The following PDZK1 variants were observed in gnomAD, a reference collection of about 807,000 sequenced individuals.
PDZK1 encodes Na(+)/H(+) exchange regulatory cofactor NHE-RF3.
A neutral mutation model predicts 38.1 loss-of-function variants in PDZK1; 23 were observed. That is an observed-to-expected ratio of 0.60 (90% CI 0.43 to 0.85). PDZK1 has a LOEUF of 0.85. Ranked by LOEUF, PDZK1 falls within the 40% of genes least tolerant of loss-of-function variation. The pLI is 0.00. For missense variants in PDZK1, 297 were observed against 504.3 expected (o/e 0.59, Z 3.94); for synonymous variants, 98 against 186.2 (o/e 0.53, Z 3.86).
Position 145,686,675 on chromosome 1 carries a change from C to G in PDZK1, c.262G>C (p.Asp88His), listed in dbSNP as rs1212825415. 1.3e-6 allele frequency: 2 copies of G among 1,571,292 alleles called. No homozygotes were observed. Among genetic ancestry groups the G allele is most frequent in the Non-Finnish European group, 1.7e-6 (2 of 1,146,396 alleles). ...SGNSVTLLVLDGDSYEKAVKT... is the reference protein window; with the variant it reads ...SGNSVTLLVLHGDSYEKAVKT... ...ACTGCTTTCTCATAGGAATCCCCAT[C>G]CAGAACTAGTAAAGTCACTGAATTC... The change falls in exon 3 of 9, where the codon GAT becomes CAT. Residue 88 changes from aspartate (D) to histidine (H), a missense_variant. By Grantham distance (81) the Asp-to-His change is moderately conservative. This residue lies in a region of PDZK1 where 159 missense variants were observed against 200.0 expected (regional missense o/e 0.79). Coordinates refer to ENST00000417171, the MANE Select transcript of PDZK1 (RefSeq NM_001201325.2).
At chr1:145,683,298 C>A (rs587614015) in intron 3 of PDZK1, among the ~76,000 whole-genome samples, 6 of 152,344 alleles carry the variant, frequency 3.9e-5, no homozygotes, top group African/African-American at 1.4e-4. Context: ...CAGCTAAATG[C>A]AAAGATGGAA....
chr1:145,694,887 C>T (rs71665915), intron 1 of PDZK1, among the ~76,000 whole-genome samples: 1 of 95,348 alleles, frequency 1.0e-5, no homozygotes, highest in Non-Finnish European at 1.8e-5. Context: ...CAGAGCAAGA[C>T]TCTGTCTCAA....
intron 1 of PDZK1, among the ~76,000 whole-genome samples, chr1:145,693,236 T>C (rs782113716): frequency 4.6e-5 from 7 of 152,152 alleles, no homozygotes; most frequent in South Asian, 2.1e-4. Flanking sequence ...TTAGTTGAAA[T>C]TGTGTAACTC....
intron 1 of PDZK1, among the ~76,000 whole-genome samples, chr1:145,705,879 T>C (rs1389122706): frequency 2.6e-5 from 4 of 152,116 alleles, no homozygotes; most frequent in Non-Finnish European, 4.4e-5. Context: ...GCCTCCCAAG[T>C]AGCTGACACC....
Position 145,686,580 on chromosome 1 carries a change from A to G in PDZK1, c.357T>C (p.Leu119=). 6.2e-7 allele frequency: 1 copy of G among 1,608,596 alleles called. No individual in the cohort carries two copies. The highest frequency in any genetic ancestry group is 1.1e-5 in the South Asian group (1 of 90,710). ...QKEQGLSDNI[L]SPVMNGGVQT... ...GCACACCTCCATTCATCACAGGGGA[A>G]AGTATATTATCACTCAAACCTTGCT... Residue 119 remains leucine (L), a synonymous_variant, in exon 3 of 9, where the codon CTT becomes CTC. Transcript: ENST00000417171.
At chr1:145,692,053 G>A (rs1245961113) in intron 1 of PDZK1, among the ~76,000 whole-genome samples, 1 of 151,900 alleles carries the variant, frequency 6.6e-6, no homozygotes, top group Admixed American at 6.6e-5. Flanking sequence ...GATTATTGCT[G>A]CCAGGAAAGA....
At chr1:145,691,008 T>C (rs1655196958) in intron 1 of PDZK1, among the ~76,000 whole-genome samples, 1 of 152,188 alleles carries the variant, frequency 6.6e-6, no homozygotes, top group Non-Finnish European at 1.5e-5. Flanking sequence ...AGCCACTTTA[T>C]ACCAATAGTG....
intron 1 of PDZK1, among the ~76,000 whole-genome samples, chr1:145,694,779 C>A (rs1655517048): frequency 6.6e-6 from 1 of 150,746 alleles, no homozygotes; most frequent in Non-Finnish European, 1.5e-5. Context: ...TGCCTGTAGT[C>A]CCAGCTACTC....
intron 8 of PDZK1, among the ~76,000 whole-genome samples, chr1:145,672,371 G>A (rs1417844861): frequency 3.3e-5 from 5 of 149,860 alleles, no homozygotes; most frequent in Admixed American, 3.3e-4. Context: ...GGAAAACTGA[G>A]GAACAGAACA....
At chr1:145,683,671 C>T (rs1225609642) in intron 3 of PDZK1, among the ~76,000 whole-genome samples, 1 of 152,036 alleles carries the variant, frequency 6.6e-6, no homozygotes, top group African/African-American at 2.4e-5. Context: ...GATAGTATAC[C>T]GAACCCTATA....
At chr1:145,697,763 ATTTTTTTTTTTTTT>A (rs10564713) in intron 1 of PDZK1, among the ~76,000 whole-genome samples, 29 of 44,978 alleles carry the variant, frequency 6.4e-4, no homozygotes, top group Middle Eastern at 0.016. Flanking sequence ...TGCCCAGCTA[ATTTTTTTTTTTTTT>A]TTTTTTTTTT....
At chr1:145,671,746 A>G (rs1653078548) in intron 8 of PDZK1, 1 of 406,452 alleles carries the variant, frequency 2.5e-6, no homozygotes, top group Non-Finnish European at 4.6e-6. Flanking sequence ...TGAATTCTAC[A>G]CTTGATTGTT....
chr1:145,700,212 T>C (rs1295727130), intron 1 of PDZK1, among the ~76,000 whole-genome samples: 2 of 152,206 alleles, frequency 1.3e-5, no homozygotes, highest in Non-Finnish European at 2.9e-5. Flanking sequence ...AAGTCAGGGC[T>C]GGAGATTTTG....
intron 3 of PDZK1, 23 bp downstream of exon 3, chr1:145,686,454 C>G: frequency 6.2e-7 from 1 of 1,608,986 alleles, no homozygotes; most frequent in Non-Finnish European, 8.5e-7. Flanking sequence ...CCTGCCTCCC[C>G]CTGCTCCCCA....
At chr1:145,706,392 T>G (rs587616935) in intron 1 of PDZK1, among the ~76,000 whole-genome samples, 1 of 152,216 alleles carries the variant, frequency 6.6e-6, no homozygotes, top group Non-Finnish European at 1.5e-5. Context: ...TGCTGCAGAC[T>G]TCAGATGACT....
In PDZK1 at chr1:145,687,928, C is replaced by A; in HGVS notation, c.94G>T (p.Gly32Cys). The A allele has an allele frequency of 1.2e-6, 2 of 1,612,604 alleles. No homozygotes were observed. Among genetic ancestry groups the A allele is most frequent in the Non-Finnish European group, 8.5e-7 (1 of 1,179,424 alleles). Residue 32 changes from glycine to cysteine, a missense_variant, in exon 2 of 9, where the codon GGC (glycine) becomes TGC (cysteine). Gly to Cys is a radical substitution (Grantham distance 159). Coordinates refer to ENST00000417171, the MANE Select transcript of PDZK1 (RefSeq NM_001201325.2). Reference protein sequence around the residue: ...FFLRIEKDTEGHLVRVVEKCS... With the variant: ...FFLRIEKDTECHLVRVVEKCS... ...TTCTCAACCACCCGGACCAGGTGGC[C>A]CTCGGTGTCCTTCTCAATTCGCAGG...
intron 1 of PDZK1, among the ~76,000 whole-genome samples, chr1:145,701,663 A>C (rs1383450156): frequency 2.6e-5 from 4 of 152,208 alleles, no homozygotes; most frequent in Non-Finnish European, 5.9e-5. Context: ...CCAAGGCTTC[A>C]TGCCTCACAC....
At chr1:145,685,491 A>G (rs1485671017) in intron 3 of PDZK1, among the ~76,000 whole-genome samples, 1 of 152,108 alleles carries the variant, frequency 6.6e-6, no homozygotes, top group Non-Finnish European at 1.5e-5. Context: ...TAGGCTTCTA[A>G]GACGTGCCAA....
At chr1:145,676,722 C>G (rs1247488181) in intron 6 of PDZK1, among the ~76,000 whole-genome samples, 1 of 141,330 alleles carries the variant, frequency 7.1e-6, no homozygotes, top group African/African-American at 2.7e-5. Context: ...AAGACAACGT[C>G]TCAAAAAAAA....
Sources: gnomAD v4.1 joint callset for allele counts (sites outside exome capture counted in the v4.1 genomes callset) on GRCh38, gnomAD v4.1.1 for gene constraint, gnomAD v4.1.1 regional missense constraint, MANE v1.5 for transcripts, NCBI Gene and HGNC (gene_info 2026-07-23, HGNC 2026-07-21) for gene names.